TRHDE: variants seen among roughly 807,000 people sequenced by gnomAD.
TRHDE encodes the protein thyrotropin releasing hormone degrading enzyme.
In TRHDE, 72 loss-of-function variants were observed where a neutral mutation model predicts 125.7. That is an observed-to-expected ratio of 0.57 (90% CI 0.47 to 0.70). TRHDE has a LOEUF of 0.70. Ranked by LOEUF, TRHDE falls within the 30% of genes least tolerant of loss-of-function variation. The pLI, the probability that TRHDE is intolerant of heterozygous loss-of-function variation, is 0.00. For missense variants in TRHDE, 1,110 were observed against 1,327.1 expected, an observed-to-expected ratio of 0.84 and a Z score of 2.54; for synonymous variants, 509 against 509.1, an observed-to-expected ratio of 1.00 and a Z score of 0.00.
chr12:72,104,652 CA>C (rs1333527027), intron 1 of TRHDE, among the ~76,000 whole-genome samples: 1 of 152,140 alleles, frequency 6.6e-6, no homozygotes, highest in Non-Finnish European at 1.5e-5. Context: ...GGATAATGAA[CA>C]AGGACAAGTC....
Position 72,568,672 on chromosome 12 carries a change from T to A in TRHDE, c.2131+16T>A. On this transcript the variant is annotated intron_variant, in intron 10 of 18. Transcript: ENST00000261180. ...AACAAATCAGGTAAACTATATATTC[T>A]CCCCTGAGGAAGTATCTGGTTTCAG... The A allele has an allele frequency of 6.5e-7, 1 of 1,549,510 alleles. No individual in the cohort carries two copies. The highest frequency in any genetic ancestry group is 2.3e-5 in the East Asian group (1 of 44,390).
At chr12:72,282,053 A>G (rs1294181320) in intron 1 of TRHDE, among the ~76,000 whole-genome samples, 2 of 152,208 alleles carry the variant, frequency 1.3e-5, no homozygotes, top group African/African-American at 4.8e-5. Flanking sequence ...TGCTAAAATG[A>G]CATTCTACGA....
Position 72,580,449 on chromosome 12 carries a change from T to G in TRHDE, c.2321+4907T>G, listed in dbSNP as rs545336463. Among the ~76,000 whole-genome samples the G allele has an allele frequency of 2.2e-3, 329 of 152,326 alleles. 2 individuals carry two copies. The highest frequency in any genetic ancestry group is 7.4e-3 in the African/African-American group (306 of 41,572). ...TGTTGTTGGGTGTTTGTATTTGTTT[T>G]TTGTTTTTTGAGATGGAGTTTCACT... On this transcript the variant is annotated intron_variant, in intron 12 of 18. Transcript: ENST00000261180.
rs1434247022 is a variant in TRHDE, at chr12:72,503,942, CCT to C, written c.1722+4310_1722+4311del. On this transcript the variant is annotated intron_variant, in intron 6 of 18. Transcript: ENST00000261180. ...TGGTCAGTGAAGGTCATGAGCTCAT[CCT>C]CTGTGATGTGAGACAAAAGTCCCAG... 7.0e-4 allele frequency among the ~76,000 whole-genome samples: 106 copies of C among 152,258 alleles called. 1 individual carries two copies. The highest frequency in any genetic ancestry group is 3.4e-3 in the Middle Eastern group (1 of 294).
intron 2 of TRHDE, among the ~76,000 whole-genome samples, chr12:72,372,458 T>C (rs1225796780): frequency 6.4e-4 from 98 of 152,052 alleles, no homozygotes; most frequent in African/African-American, 1.6e-3. Context: ...ACATGAAGTC[T>C]TTGCCCATGC....
At chr12:72,461,698 G>T in intron 3 of TRHDE, among the ~76,000 whole-genome samples, 1 of 151,548 alleles carries the variant, frequency 6.6e-6, no homozygotes. Context: ...ATGTTTGTTG[G>T]CTCAATCTTA....
chr12:72,589,380 C>T (rs1871577052), intron 12 of TRHDE, among the ~76,000 whole-genome samples: 2 of 152,028 alleles, frequency 1.3e-5, no homozygotes, highest in Admixed American at 1.3e-4. Context: ...GATACATGTG[C>T]AGAACATGCA....
intron 3 of TRHDE, among the ~76,000 whole-genome samples, chr12:72,454,078 T>A (rs73344453): frequency 6.6e-6 from 1 of 152,334 alleles, no homozygotes; most frequent in South Asian, 2.1e-4. Flanking sequence ...TGAAGTAGTA[T>A]ACTTATGATT....
chr12:72,606,977 C>T (rs910779640), intron 12 of TRHDE, among the ~76,000 whole-genome samples: 1 of 152,050 alleles, frequency 6.6e-6, no homozygotes, highest in African/African-American at 2.4e-5. Context: ...AGGAAGCGTT[C>T]AAATTTCCAA....
chr12:72,095,075 G>A (rs904277301), intron 1 of TRHDE, among the ~76,000 whole-genome samples: 5 of 152,164 alleles, frequency 3.3e-5, no homozygotes. Flanking sequence ...AGCTCTGAAG[G>A]ACAGACTAGG....
chr12:72,401,815 A>G (rs1292576053), intron 3 of TRHDE, among the ~76,000 whole-genome samples: 1 of 152,158 alleles, frequency 6.6e-6, no homozygotes, highest in Non-Finnish European at 1.5e-5. Flanking sequence ...GCCTTTCTAG[A>G]TATGAATAGT....
rs372303609 is a variant in TRHDE, at chr12:72,509,271, CA to C, written c.1722+9637del. Among the ~76,000 whole-genome samples the C allele has an allele frequency of 5.3e-4, 79 of 147,718 alleles. 1 individual carries two copies. The highest frequency in any genetic ancestry group is 1.9e-3 in the South Asian group (9 of 4,632). On this transcript the variant is annotated intron_variant, in intron 6 of 18. Transcript: ENST00000261180. ...GCTGAAAATTCCATAATAACCACCG[CA>C]CCCCCCCGCACACACAAAATGATAA...
intron 2 of TRHDE, among the ~76,000 whole-genome samples, chr12:72,154,166 C>T (rs1876443603): frequency 6.6e-6 from 1 of 152,070 alleles, no homozygotes; most frequent in Non-Finnish European, 1.5e-5. Context: ...TTCTTTGTCT[C>T]TTTTGATCTT....
At chr12:72,641,132 T>C (rs1323891984) in intron 15 of TRHDE, among the ~76,000 whole-genome samples, 1 of 152,152 alleles carries the variant, frequency 6.6e-6, no homozygotes, top group Non-Finnish European at 1.5e-5. Flanking sequence ...CTGGTCAAAT[T>C]AGGTCTGCCA....
intron 12 of TRHDE, among the ~76,000 whole-genome samples, chr12:72,577,681 A>G (rs1592549315): frequency 2.0e-5 from 3 of 152,168 alleles, no homozygotes; most frequent in Admixed American, 2.0e-4. Context: ...TAAATGATAT[A>G]AGTTATTTTT....
intron 5 of TRHDE, among the ~76,000 whole-genome samples, chr12:72,495,262 C>T (rs1373971445): frequency 6.6e-6 from 1 of 151,874 alleles, no homozygotes; most frequent in Non-Finnish European, 1.5e-5. Context: ...ATCACCACAT[C>T]CCACTTCCTG....
chr12:72,323,828 G>GAGAT (rs10674957), intron 2 of TRHDE, among the ~76,000 whole-genome samples: 92,367 of 151,200 alleles, frequency 0.61, 29,090 homozygotes, highest in Non-Finnish European at 0.69. Context: ...TATGGAGCGA[G>GAGAT]AGAGAAAGAG....
Position 72,576,177 on chromosome 12 carries a change from C to G in TRHDE, c.2321+635C>G, listed in dbSNP as rs74105911. Among the ~76,000 whole-genome samples, 715 of 152,166 alleles carry G rather than the reference C, an allele frequency of 4.7e-3. 11 individuals carry two copies. Among genetic ancestry groups the G allele is most frequent in the African/African-American group, 0.017 (687 of 41,554 alleles). On this transcript the variant is annotated intron_variant, in intron 12 of 18. Transcript: ENST00000261180. ...TTTTGAGACTAAAATGTAAAACAAA[C>G]TCAGTCCCTTTAATATTTCATACTG...
In TRHDE at chr12:72,238,301, T is replaced by C. The variant is rs189307903; in HGVS notation, n.279+132549T>C. On this transcript the variant is annotated intron_variant and non_coding_transcript_variant, in intron 2 of 4. Coordinates refer to the TRHDE transcript ENST00000548156. Reference sequence around the variant, plus strand: ...ATATATATATATATATATATATATATATATATATATATATATATATACATA... The same window carrying C: ...ATATATATATATATATATATATATACATATATATATATATATATATACATA... Among the ~76,000 whole-genome samples, 203 of 33,692 alleles carry C rather than the reference T, an allele frequency of 6.0e-3. 6 individuals carry two copies. The highest frequency in any genetic ancestry group is 0.011 in the East Asian group (12 of 1,142). The allele number at this position is 33,692 out of a possible 152,430, so 22.1% of individuals were successfully genotyped here.
Sources: gnomAD v4.1 joint callset for allele counts (sites outside exome capture counted in the v4.1 genomes callset) on GRCh38, gnomAD v4.1.1 for gene constraint, MANE v1.5 for transcripts, NCBI Gene and HGNC (gene_info 2026-07-23, HGNC 2026-07-21) for gene names.